Variants in CDC123 observed in about 807,000 individuals in gnomAD.
The protein encoded by CDC123 is translation initiation factor eIF2 assembly protein.
A neutral mutation model predicts 54.4 loss-of-function variants in CDC123; 37 were observed. The ratio of observed to expected loss-of-function variants is 0.68; its 90% CI spans 0.52 to 0.89. The LOEUF is 0.89. Among genes scored for constraint, CDC123 ranks in the 40% least tolerant of loss-of-function variants. The pLI is 0.00. For missense variants in CDC123, 361 were observed against 412.1 expected, an observed-to-expected ratio of 0.88 and a Z score of 1.07; for synonymous variants, 144 against 136.8, an observed-to-expected ratio of 1.05 and a Z score of -0.37.
chr10:12,229,738 T>A (rs965266035), intron 6 of CDC123, among the ~76,000 whole-genome samples: 4 of 152,250 alleles, frequency 2.6e-5, no homozygotes, highest in African/African-American at 9.6e-5. Context: ...TTGGCATAGA[T>A]GGGCATTTAA....
At chr10:12,198,887 C>T (rs537546017) in intron 2 of CDC123, 111 bp downstream of exon 2, 2 of 663,272 alleles carry the variant, frequency 3.0e-6, no homozygotes, top group African/African-American at 3.7e-5. Context: ...CTCTCCTAGC[C>T]AAAATGATGT....
At chr10:12,207,488 T>G (rs989277703) in intron 2 of CDC123, among the ~76,000 whole-genome samples, 3 of 152,186 alleles carry the variant, frequency 2.0e-5, no homozygotes, top group African/African-American at 7.2e-5. Flanking sequence ...TCTTGGAGTT[T>G]TTTGTCTGTT....
chr10:12,210,755 C>T (rs1835586784), intron 4 of CDC123, among the ~76,000 whole-genome samples: 1 of 152,174 alleles, frequency 6.6e-6, no homozygotes, highest in Non-Finnish European at 1.5e-5. Flanking sequence ...GGCAGGAGTG[C>T]AGTGGTGTGA....
intron 6 of CDC123, among the ~76,000 whole-genome samples, chr10:12,226,357 G>GC (rs1263553105): frequency 1.4e-5 from 2 of 146,644 alleles, no homozygotes; most frequent in Non-Finnish European, 3.0e-5. Context: ...GGCGGGGGCT[G>GC]CCCCCCACCT....
Position 12,250,325 on chromosome 10 carries a change from G to A in CDC123, c.999G>A (p.Gln333=), listed in dbSNP as rs2131775995. 8 of 1,597,734 alleles carry A rather than the reference G, an allele frequency of 5.0e-6. No individual in the cohort carries two copies. In the East Asian group the frequency reaches 9.0e-5, roughly 18 times the overall value. The change falls in exon 13 of 13, where the codon CAG becomes CAA. Residue 333 remains glutamine, a synonymous_variant. Transcript: ENST00000281141. Reference sequence around the variant, plus strand: ...TTCTTTGACAGAAGAGAAATCAGCAGGAGGACGACTGATGAGCGTACTGGA... The same window carrying A: ...TTCTTTGACAGAAGAGAAATCAGCAAGAGGACGACTGATGAGCGTACTGGA... The part of the protein sequence containing the change: ...IDFLKLKRNQ[Q]EDD
At chr10:12,243,866 C>T (rs1836092948) in intron 10 of CDC123, among the ~76,000 whole-genome samples, 1 of 151,708 alleles carries the variant, frequency 6.6e-6, no homozygotes. Flanking sequence ...ATATTGAAGA[C>T]ATCTTAGCAG....
intron 4 of CDC123, among the ~76,000 whole-genome samples, chr10:12,211,407 A>G (rs1211973209): frequency 1.9e-4 from 29 of 152,198 alleles, no homozygotes; most frequent in Admixed American, 1.8e-3. Flanking sequence ...AAGAAAAAAA[A>G]AGAAGTGGAG....
chr10:12,242,187 C>T (rs970347941), intron 10 of CDC123, among the ~76,000 whole-genome samples: 3 of 152,194 alleles, frequency 2.0e-5, no homozygotes, highest in Non-Finnish European at 4.4e-5. Context: ...ACGTGAGAGC[C>T]GTCGTTCTTG....
intron 6 of CDC123, among the ~76,000 whole-genome samples, chr10:12,221,740 A>ATTAAATTTATTTTTTAAATAAATTTTAT (rs1389282441): frequency 1.3e-5 from 2 of 148,468 alleles, no homozygotes; most frequent in African/African-American, 5.1e-5. Flanking sequence ...AATTTCATTT[A>ATTAAATTTATTTTTTAAATAAATTTTAT]TTAAATTTAT....
chr10:12,225,706 A>G (rs1307734681), intron 6 of CDC123, among the ~76,000 whole-genome samples: 1 of 151,594 alleles, frequency 6.6e-6, no homozygotes, highest in Non-Finnish European at 1.5e-5. Flanking sequence ...CCAGTCCCAA[A>G]AAATAATTGA....
rs543337462 is a variant in CDC123 at position 12,200,120 on chromosome 10, A to ATTTTTTTTTTTTTTTTT, written c.146+1351_146+1367dup. Among the ~76,000 whole-genome samples, 344 of 59,344 alleles carry ATTTTTTTTTTTTTTTTT rather than the reference A, an allele frequency of 5.8e-3. 64 individuals carry two copies. The highest frequency in any genetic ancestry group is 8.3e-3 in the African/African-American group (139 of 16,648). 38.9% of individuals were successfully genotyped at this position (59,344 alleles called of 152,430 possible). On this transcript the variant is annotated intron_variant, in intron 2 of 12. Coordinates refer to ENST00000281141, the MANE Select transcript of CDC123 (RefSeq NM_006023.3). ...ATAGGCCTGAGCCACCGCACTCGGCATTTTTTTTTTTTTTTTTTTTTTTAA... is the reference window on the plus strand; with the variant it reads ...ATAGGCCTGAGCCACCGCACTCGGCATTTTTTTTTTTTTTTTTTTTTTTTTTTTTTTTTTTTTTTTAA...
intron 6 of CDC123, 81 bp downstream of exon 6, chr10:12,217,548 G>A: frequency 2.1e-6 from 3 of 1,404,774 alleles, no homozygotes; most frequent in South Asian, 1.3e-5. Flanking sequence ...ATTACTTATA[G>A]TACTATTATA....
chr10:12,241,224 T>G (rs1390927633), intron 10 of CDC123, among the ~76,000 whole-genome samples: 3 of 152,336 alleles, frequency 2.0e-5, no homozygotes, highest in Non-Finnish European at 4.4e-5. Flanking sequence ...GAACCATTGC[T>G]TCATGTCTTT....
chr10:12,239,005 A>G (rs1447160676), intron 10 of CDC123, among the ~76,000 whole-genome samples: 1 of 151,812 alleles, frequency 6.6e-6, no homozygotes, highest in Non-Finnish European at 1.5e-5. Flanking sequence ...AGAAAAAAAA[A>G]ATATCCGGGC....
At chr10:12,234,409 G>A (rs763857335) in intron 7 of CDC123, among the ~76,000 whole-genome samples, 5 of 152,318 alleles carry the variant, frequency 3.3e-5, no homozygotes, top group South Asian at 2.1e-4. Flanking sequence ...TAGTAGAGAC[G>A]GGGTTTTACC....
chr10:12,223,946 C>T (rs1287542302), intron 6 of CDC123, among the ~76,000 whole-genome samples: 2 of 151,894 alleles, frequency 1.3e-5, no homozygotes, highest in African/African-American at 4.8e-5. Context: ...GATTTCTGAG[C>T]TTTTGGTGCA....
At chr10:12,219,108 T>G (rs918157489) in intron 6 of CDC123, among the ~76,000 whole-genome samples, 15 of 152,056 alleles carry the variant, frequency 9.9e-5, no homozygotes, top group Admixed American at 4.6e-4. Context: ...CTCAAATCCT[T>G]TTTTTGAAGT....
intron 4 of CDC123, among the ~76,000 whole-genome samples, chr10:12,212,779 C>T (rs184049160): frequency 3.3e-5 from 5 of 152,270 alleles, no homozygotes; most frequent in South Asian, 4.1e-4. Context: ...ACCTTCAGGC[C>T]GTGTGCATAA....
At position 12,248,621 on chromosome 10, in the gene CDC123, C is replaced by T. The variant is rs572004218; in HGVS notation, c.847-960C>T. Reference sequence around the variant, plus strand: ...GGGAGTTCGAGACCATCCTGATCAACGTGGAGAAACCCCGTCTCTACTAAA... The same window carrying T: ...GGGAGTTCGAGACCATCCTGATCAATGTGGAGAAACCCCGTCTCTACTAAA... On this transcript the variant is annotated intron_variant, in intron 11 of 12. Coordinates refer to ENST00000281141, the MANE Select transcript of CDC123 (RefSeq NM_006023.3). 2.6e-3 allele frequency among the ~76,000 whole-genome samples: 389 copies of T among 151,002 alleles called. 3 individuals are homozygous for T. Among genetic ancestry groups the T allele is most frequent in the African/African-American group, 8.8e-3 (363 of 41,080 alleles).
Sources: allele counts gnomAD v4.1 joint callset (sites outside exome capture counted in the v4.1 genomes callset), GRCh38; gene constraint gnomAD v4.1.1; transcripts MANE v1.5; gene names NCBI Gene and HGNC (gene_info 2026-07-23, HGNC 2026-07-21).